The following ST8SIA5 variants were observed in gnomAD, a reference collection of about 807,000 sequenced individuals.
The protein encoded by ST8SIA5 is ST8 alpha-N-acetyl-neuraminide alpha-2,8-sialyltransferase 5.
Under a neutral mutation model 40.2 loss-of-function variants are expected in ST8SIA5, and 24 were observed. The observed-to-expected ratio is 0.60, with a 90% CI of 0.43 to 0.84. ST8SIA5 has a LOEUF of 0.84. Among genes scored for constraint, ST8SIA5 ranks in the 40% least tolerant of loss-of-function variants. The pLI is 0.00. For missense variants in ST8SIA5, 465 were observed against 498.5 expected, an observed-to-expected ratio of 0.93 and a Z score of 0.64; for synonymous variants, 198 against 201.8, an observed-to-expected ratio of 0.98 and a Z score of 0.16.
At chr18:46,681,468 C>T (rs2039395327) in intron 6 of ST8SIA5, among the ~76,000 whole-genome samples, 1 of 152,204 alleles carries the variant, frequency 6.6e-6, no homozygotes, top group Admixed American at 6.5e-5. Flanking sequence ...GCTAGGGTTT[C>T]AACACTTCCC....
chr18:46,697,292 T>A (rs1437005469), intron 2 of ST8SIA5, among the ~76,000 whole-genome samples: 1 of 152,004 alleles, frequency 6.6e-6, no homozygotes, highest in Non-Finnish European at 1.5e-5. Context: ...CAACCTGAAG[T>A]GAGACCAAGA....
At chr18:46,747,892 T>A (rs2040156053) in intron 1 of ST8SIA5, among the ~76,000 whole-genome samples, 3 of 152,100 alleles carry the variant, frequency 2.0e-5, no homozygotes, top group Non-Finnish European at 4.4e-5. Context: ...TATGTAGCCA[T>A]AAAAAAGGAT....
At chr18:46,694,072 C>T (rs1004091181) in intron 2 of ST8SIA5, among the ~76,000 whole-genome samples, 6 of 152,194 alleles carry the variant, frequency 3.9e-5, no homozygotes, top group Non-Finnish European at 5.9e-5. Flanking sequence ...GAGGCCCTGG[C>T]CTGGTGAGAG....
chr18:46,739,639 A>G (rs2040069374), intron 1 of ST8SIA5, among the ~76,000 whole-genome samples: 1 of 152,152 alleles, frequency 6.6e-6, no homozygotes, highest in Non-Finnish European at 1.5e-5. Context: ...GGGAACAGAG[A>G]CATTCAAAGA....
intron 1 of ST8SIA5, among the ~76,000 whole-genome samples, chr18:46,734,595 T>C (rs888056250): frequency 6.6e-6 from 1 of 151,898 alleles, no homozygotes; most frequent in Non-Finnish European, 1.5e-5. Flanking sequence ...ATGGTGGAGG[T>C]AGGGTTTAGG....
chr18:46,738,522 C>T (rs891867034), intron 1 of ST8SIA5, among the ~76,000 whole-genome samples: 2 of 152,168 alleles, frequency 1.3e-5, no homozygotes, highest in African/African-American at 4.8e-5. Flanking sequence ...AAATTTTGTT[C>T]CCTGGATCAC....
At chr18:46,733,176 G>A (rs1028464829) in intron 1 of ST8SIA5, among the ~76,000 whole-genome samples, 16 of 152,282 alleles carry the variant, frequency 1.1e-4, no homozygotes, top group Middle Eastern at 6.8e-3. Flanking sequence ...AACACTGGTG[G>A]ATTCAACTTC....
At position 46,715,941 on chromosome 18, in the gene ST8SIA5, G is replaced by A. The variant is rs538367087; in HGVS notation, c.132-11277C>T. On this transcript the variant is annotated intron_variant, in intron 1 of 6. Coordinates refer to ENST00000315087, the MANE Select transcript of ST8SIA5 (RefSeq NM_013305.6). ...CTTTTTATTATGGTCTAACAGCAAG[G>A]AGCTGAGGGCAGAAATAGAAGACCT... Among the ~76,000 whole-genome samples the A allele has an allele frequency of 6.6e-5, 10 of 152,098 alleles. No individual in the cohort carries two copies. The South Asian group carries it at 8.3e-4, about 13-fold the overall frequency.
chr18:46,692,347 G>T, intron 2 of ST8SIA5, 92 bp from the exon 3 acceptor site: 1 of 1,098,832 alleles, frequency 9.1e-7, no homozygotes, highest in Non-Finnish European at 1.4e-6. Context: ...TCTCCCATAG[G>T]CCAAGTCCAG....
intron 2 of ST8SIA5, among the ~76,000 whole-genome samples, chr18:46,694,607 G>A (rs2039538162): frequency 6.6e-6 from 1 of 152,138 alleles, no homozygotes; most frequent in African/African-American, 2.4e-5. Flanking sequence ...CCCTTGAAAG[G>A]AAGCTGTCCT....
chr18:46,676,485 C>T lies in ST8SIA5; in HGVS notation c.*3557G>A, dbSNP rs914529951. ...CTACTCTGCCTCAGTTGTTTCTAAGCACTGCTCTGCTTCCTCCCTGCTCTC... is the reference window on the plus strand; with the variant it reads ...CTACTCTGCCTCAGTTGTTTCTAAGTACTGCTCTGCTTCCTCCCTGCTCTC... On this transcript the variant is annotated 3_prime_UTR_variant, in exon 7 of 7. Coordinates refer to ENST00000315087, the MANE Select transcript of ST8SIA5 (RefSeq NM_013305.6). 1 of 152,256 alleles carries T rather than the reference C, an allele frequency of 6.6e-6. No homozygotes were observed. The highest frequency in any genetic ancestry group is 1.5e-5 in the Non-Finnish European group (1 of 68,054). The allele number at this position is 152,256 out of a possible 1,614,324, so 9.4% of individuals were successfully genotyped here.
chr18:46,710,720 C>G (rs551765314), intron 1 of ST8SIA5, among the ~76,000 whole-genome samples: 1 of 152,060 alleles, frequency 6.6e-6, no homozygotes, highest in South Asian at 2.1e-4. Flanking sequence ...TTCCTATGAG[C>G]CTTTCCCCAA....
intron 1 of ST8SIA5, among the ~76,000 whole-genome samples, chr18:46,752,489 C>T (rs991885809): frequency 1.3e-5 from 2 of 152,184 alleles, no homozygotes; most frequent in Non-Finnish European, 2.9e-5. Context: ...TCTCCTCATT[C>T]ACATAGCACA....
At chr18:46,695,082 C>T (rs2039544541) in intron 2 of ST8SIA5, among the ~76,000 whole-genome samples, 1 of 151,506 alleles carries the variant, frequency 6.6e-6, no homozygotes, top group Non-Finnish European at 1.5e-5. Context: ...TCGCTTGAAC[C>T]CAGGAGGTGG....
chr18:46,707,561 CT>C (rs1307248760), intron 1 of ST8SIA5, among the ~76,000 whole-genome samples: 3 of 152,162 alleles, frequency 2.0e-5, no homozygotes, highest in Non-Finnish European at 4.4e-5. Context: ...TCCAAATGAC[CT>C]TGTGCCGTGG....
intron 1 of ST8SIA5, among the ~76,000 whole-genome samples, chr18:46,719,579 T>G (rs2039830645): frequency 6.6e-6 from 1 of 152,188 alleles, no homozygotes; most frequent in African/African-American, 2.4e-5. Flanking sequence ...GACAATGGTT[T>G]CAGCCACTGA....
At chr18:46,711,063 T>C (rs977423107) in intron 1 of ST8SIA5, among the ~76,000 whole-genome samples, 2 of 151,912 alleles carry the variant, frequency 1.3e-5, no homozygotes, top group African/African-American at 4.8e-5. Context: ...AACCATGGAG[T>C]TGTTTATTTA....
rs147382709 is a variant in ST8SIA5, at chr18:46,671,912, A to T, written c.*8130T>A. The T allele has an allele frequency of 1.3e-5, 2 of 152,354 alleles. No individual in the cohort carries two copies. The highest frequency in any genetic ancestry group is 4.8e-5 in the African/African-American group (2 of 41,582). The allele number at this position is 152,354 out of a possible 1,614,324, so 9.4% of individuals were successfully genotyped here. ...CATTAAAGGATCATCTAGAGCCATG[A>T]GCCTCCAAGTGCAGTCCCTGGACCA... On this transcript the variant is annotated 3_prime_UTR_variant, in exon 7 of 7. Transcript: ENST00000315087.
chr18:46,740,636 G>A (rs1161803187), intron 1 of ST8SIA5, among the ~76,000 whole-genome samples: 1 of 152,156 alleles, frequency 6.6e-6, no homozygotes, highest in Non-Finnish European at 1.5e-5. Flanking sequence ...ACATTTTAAA[G>A]CACTTCTAAC....
Sources: allele counts gnomAD v4.1 joint callset (sites outside exome capture counted in the v4.1 genomes callset), GRCh38; gene constraint gnomAD v4.1.1; transcripts MANE v1.5; gene names NCBI Gene and HGNC (gene_info 2026-07-23, HGNC 2026-07-21).